The following ZAN variants were observed in gnomAD, a reference collection of about 807,000 sequenced individuals.
The protein encoded by ZAN is zonadhesin, also known as zonadhesin (gene/pseudogene).
A neutral mutation model predicts 286.2 loss-of-function variants in ZAN; 260 were observed. That is an observed-to-expected ratio of 0.91 (90% CI 0.82 to 1.01). The LOEUF (loss-of-function observed/expected upper bound fraction) is 1.01. ZAN is among the 50% of genes least tolerant of loss of function. The probability of loss-of-function intolerance (pLI) is 0.00; values close to 1 mark genes in which losing one functional copy is unlikely to be tolerated. For missense variants in ZAN, 3,410 were observed against 3,639.2 expected, an observed-to-expected ratio of 0.94 and a Z score of 1.62; for synonymous variants, 1,368 against 1,417.5, an observed-to-expected ratio of 0.97 and a Z score of 0.79.
intron 13 of ZAN, 110 bp downstream of exon 13, chr7:100,751,376 C>A (rs534403258): frequency 5.2e-6 from 4 of 775,924 alleles, no homozygotes; most frequent in South Asian, 2.8e-5. Flanking sequence ...GAATTCTCAC[C>A]CAGCTGGCTT....
chr7:100,775,986 A>C (rs1810755025), intron 33 of ZAN, among the ~76,000 whole-genome samples, 153 bp downstream of exon 33: 1 of 151,982 alleles, frequency 6.6e-6, no homozygotes, highest in Admixed American at 6.6e-5. Context: ...CTTTCTGTGT[A>C]GGGTGGACAA....
At chr7:100,776,796 A>G (rs1486456169) in intron 34 of ZAN, among the ~76,000 whole-genome samples, 17 of 117,412 alleles carry the variant, frequency 1.4e-4, no homozygotes, top group African/African-American at 2.2e-4. Context: ...GCAGTGGCGC[A>G]ATCTCGGCTC....
rs1427240624 is a variant in ZAN, at chr7:100,752,968, C to G, written c.2863C>G (p.Leu955Val). ...TEKPTISPEK[L>V]TIPTEKPTIS... is the part of the protein sequence containing the mutation. ...AAAACCCACCATCTCCCCAGAAAAA[C>G]TCACCATCCCCACAGAAAAACCCAC... Residue 955 changes from leucine to valine, a missense_variant, in exon 14 of 48, where the codon CTC becomes GTC. Physicochemically the swap from Leu to Val is conservative, Grantham distance 32. Transcript: ENST00000613979. 1.3e-5 allele frequency: 21 copies of G among 1,609,600 alleles called. No individual in the cohort carries two copies. Among genetic ancestry groups the G allele is most frequent in the Non-Finnish European group, 1.7e-5 (20 of 1,177,908 alleles).
Position 100,737,650 on chromosome 7 carries a change from G to A in ZAN, c.613+301G>A, listed in dbSNP as rs1807409650. On this transcript the variant is annotated intron_variant, in intron 6 of 47. Coordinates refer to ENST00000613979, the MANE Select transcript of ZAN (RefSeq NM_003386.3). Reference sequence around the variant, plus strand: ...GAACCTGGGAGGTGGAGCTTGCAGTGAGCCGAGATCGTGCCACTGCACTCC... The same window carrying A: ...GAACCTGGGAGGTGGAGCTTGCAGTAAGCCGAGATCGTGCCACTGCACTCC... Among the ~76,000 whole-genome samples, 2 of 138,950 alleles carry A rather than the reference G, an allele frequency of 1.4e-5. 1 individual carries two copies. The highest frequency in any genetic ancestry group is 4.5e-4 in the South Asian group (2 of 4,478). 91.2% of individuals were successfully genotyped at this position (138,950 alleles called of 152,430 possible).
chr7:100,753,222 C>G lies in ZAN; in HGVS notation c.3117C>G (p.Ser1039=). Reference sequence around the variant, plus strand: ...TGGGCACTACCACAACCTCCAGATCCAGTACAGGTATGAGGTGGATGGAGC... The same window carrying G: ...TGGGCACTACCACAACCTCCAGATCGAGTACAGGTATGAGGTGGATGGAGC... The part of the protein sequence containing the change: ...VILGTTTTSR[S]STERCPPNAR... Residue 1039 remains serine, a synonymous_variant, in exon 14 of 48, where the codon TCC becomes TCG. Coordinates refer to ENST00000613979, the MANE Select transcript of ZAN (RefSeq NM_003386.3). 1 of 1,596,132 alleles carries G rather than the reference C, an allele frequency of 6.3e-7. No homozygotes were observed. The highest frequency in any genetic ancestry group is 1.1e-5 in the South Asian group (1 of 88,754).
chr7:100,778,392 C>T (rs921141364), intron 34 of ZAN, among the ~76,000 whole-genome samples: 11 of 150,000 alleles, frequency 7.3e-5, no homozygotes, highest in African/African-American at 2.7e-4. Context: ...TTGCTTGAGC[C>T]TAGGAGTTTG....
Position 100,758,579 on chromosome 7 carries a change from T to C in ZAN, c.3500T>C (p.Phe1167Ser). The C allele has an allele frequency of 6.4e-7, 1 of 1,566,766 alleles. No homozygotes were observed. Among genetic ancestry groups the C allele is most frequent in the East Asian group, 2.4e-5 (1 of 42,094 alleles). The change falls in exon 17 of 48, where the codon TTT (phenylalanine) becomes TCT (serine). Residue 1167 changes from phenylalanine (F) to serine (S), a missense_variant. Coordinates refer to ENST00000613979, the MANE Select transcript of ZAN (RefSeq NM_003386.3). ...TACGGAGACCCTCATTATGTCACCT[T>C]TGACGGGAGGCACTTTGGCTTCATG... ...LVYGDPHYVT[F>S]DGRHFGFMGK...
chr7:100,766,639 G>A lies in ZAN; in HGVS notation c.4585G>A (p.Asp1529Asn). Residue 1529 changes from aspartate (D) to asparagine (N), a missense_variant, in exon 24 of 48, where the codon GAT (aspartate) becomes AAT (asparagine). Around this residue, in one of 7 missense-constraint regions of ZAN, gnomAD observed 1,042 missense variants for 1,058.0 expected, o/e 0.98. Transcript: ENST00000613979. ...GGCCCAGGAGTTCTGTGGCCAACAG[G>A]ATGGTATCTATGGCTGCCATGCCCA... ...CRAQEFCGQQ[D>N]GIYGCHAQGA... The A allele has an allele frequency of 1.3e-6, 2 of 1,566,454 alleles. No individual in the cohort carries two copies. The highest frequency in any genetic ancestry group is 1.7e-6 in the Non-Finnish European group (2 of 1,155,756).
At position 100,787,892 on chromosome 7, in the gene ZAN, C is replaced by T. The variant is rs772651203; in HGVS notation, c.6983C>T (p.Ser2328Phe). Residue 2328 changes from serine (S) to phenylalanine (F), a missense_variant, in exon 38 of 48, where the codon TCT (serine) becomes TTT (phenylalanine). Transcript: ENST00000613979. Reference sequence around the variant, plus strand: ...TCACTGTCTGACTTCTTGGCAGAGTCTGAACAATGCTCAGTCTATGGCGAC... The same window carrying T: ...TCACTGTCTGACTTCTTGGCAGAGTTTGAACAATGCTCAGTCTATGGCGAC... ...NSNSNCVSDK[S>F]EQCSVYGDPR... 1.3e-6 allele frequency: 2 copies of T among 1,550,932 alleles called. 1 individual carries two copies. The highest frequency in any genetic ancestry group is 2.4e-5 in the South Asian group (2 of 82,258).
chr7:100,790,795 A>T, intron 39 of ZAN, 147 bp from the exon 40 acceptor site: 1 of 834,842 alleles, frequency 1.2e-6, no homozygotes, highest in Non-Finnish European at 1.8e-6. Flanking sequence ...AGCCATGGGA[A>T]TTGCTTGAAA....
intron 29 of ZAN, among the ~76,000 whole-genome samples, chr7:100,772,758 T>G (rs928300710): frequency 9.9e-5 from 15 of 151,112 alleles, no homozygotes; most frequent in Non-Finnish European, 7.4e-5. Context: ...GAGGTGGAGC[T>G]TGCAGTGACC....
At chr7:100,765,763 C>T (rs550514115) in intron 23 of ZAN, among the ~76,000 whole-genome samples, 16 of 152,088 alleles carry the variant, frequency 1.1e-4, no homozygotes, top group African/African-American at 3.6e-4. Context: ...ATTCTCCTGC[C>T]TCAGCCTCCC....
rs374813843 is a variant in ZAN, at chr7:100,762,291, G to T, written c.3919G>T (p.Gly1307Cys). ...TGACAATGACCACCTGAAGTTGGACGGCAGCCCAGCAGGAGACAAGGAGGA... is the reference window on the plus strand; with the variant it reads ...TGACAATGACCACCTGAAGTTGGACTGCAGCCCAGCAGGAGACAAGGAGGA... ...NSDNDHLKLD[G>C]SPAGDKEELG... Residue 1307 changes from glycine (G) to cysteine (C), a missense_variant, in exon 20 of 48, where the codon GGC becomes TGC. This residue lies in a region of ZAN where 1,042 missense variants were observed against 1,058.0 expected (regional missense o/e 0.98). Coordinates refer to ENST00000613979, the MANE Select transcript of ZAN (RefSeq NM_003386.3). 6.2e-7 allele frequency: 1 copy of T among 1,613,622 alleles called. No homozygotes were observed. Among genetic ancestry groups the T allele is most frequent in the Non-Finnish European group, 8.5e-7 (1 of 1,179,814 alleles).
intron 6 of ZAN, among the ~76,000 whole-genome samples, chr7:100,737,771 G>A (rs1482068450): frequency 7.3e-6 from 1 of 137,900 alleles, no homozygotes; most frequent in Non-Finnish European, 1.6e-5. Context: ...GCCAGGTAGA[G>A]CTATTAGGGC....
intron 19 of ZAN, 33 bp downstream of exon 19, chr7:100,760,569 T>TTCTTCCTGCTGCCTCTTCCTGCTGCC (rs552381487): frequency 7.5e-5 from 120 of 1,609,202 alleles, no homozygotes; most frequent in South Asian, 2.2e-4. Flanking sequence ...CAGCTGCCAC[T>TTCTTCCTGCTGCCTCTTCCTGCTGCC]TCTTCCTGCT....
chr7:100,754,331 T>C lies in ZAN; in HGVS notation c.3125-895T>C, dbSNP rs542510585. 5.9e-3 allele frequency among the ~76,000 whole-genome samples: 886 copies of C among 151,112 alleles called. 9 individuals carry two copies. The highest frequency in any genetic ancestry group is 0.024 in the Middle Eastern group (7 of 292). On this transcript the variant is annotated intron_variant, in intron 14 of 47. Coordinates refer to ENST00000613979, the MANE Select transcript of ZAN (RefSeq NM_003386.3). ...AAAATTAGCTGAGCGTGGTGGTGGG[T>C]GCCTGTAGTCCCAGCTACTCCGGAG...
chr7:100,747,424 T>C (rs1475153107), intron 8 of ZAN, 126 bp from the exon 9 acceptor site: 7 of 707,292 alleles, frequency 9.9e-6, no homozygotes, highest in Non-Finnish European at 1.2e-5. Context: ...AAAAAGAAGA[T>C]TGTGCTTTCA....
chr7:100,753,113 C>G lies in ZAN; in HGVS notation c.3008C>G (p.Pro1003Arg). The G allele has an allele frequency of 6.2e-7, 1 of 1,613,920 alleles. No homozygotes were observed. ...GAGAAGCTCACAGCCCTGAGGCCAC[C>G]CCATCCCAGCCCCACAGCCACTGGG... Reference protein sequence around the residue: ...PTEKLTALRPPHPSPTATGLA... With the variant: ...PTEKLTALRPRHPSPTATGLA... Residue 1003 changes from proline to arginine, a missense_variant, in exon 14 of 48, where the codon CCC becomes CGC. By Grantham distance (103) the Pro-to-Arg change is moderately radical (BLOSUM62 -2). Coordinates refer to ENST00000613979, the MANE Select transcript of ZAN (RefSeq NM_003386.3).
At position 100,755,075 on chromosome 7, in the gene ZAN, C is replaced by T; in HGVS notation, c.3125-151C>T. The T allele has an allele frequency of 1.8e-5, 16 of 870,570 alleles. 1 individual carries two copies. Among genetic ancestry groups the T allele is most frequent in the Non-Finnish European group, 2.8e-5 (16 of 580,498 alleles). 53.9% of individuals were successfully genotyped at this position (870,570 alleles called of 1,614,324 possible). A position where few individuals can be genotyped will look rare whatever the true frequency, so the allele number is the denominator to read the frequency against. On this transcript the variant is annotated intron_variant, in intron 14 of 47. Transcript: ENST00000613979. ...AAAGTGCTGGGATTATAGGTGTGAG[C>T]CACCGCACCCAGCCTTCAGGCCTTT...
Sources: gnomAD v4.1 joint callset for allele counts (sites outside exome capture counted in the v4.1 genomes callset) on GRCh38, gnomAD v4.1.1 for gene constraint, gnomAD v4.1.1 regional missense constraint, MANE v1.5 for transcripts, NCBI Gene and HGNC (gene_info 2026-07-23, HGNC 2026-07-21) for gene names.